The following ARMC9 variants were observed in gnomAD, a reference collection of about 807,000 sequenced individuals.
ARMC9 encodes the protein lisH domain-containing protein ARMC9.
A neutral mutation model predicts 107.0 loss-of-function variants in ARMC9; 94 were observed. The ratio of observed to expected loss-of-function variants is 0.88; its 90% CI spans 0.74 to 1.04. The LOEUF is 1.04. Ranked by LOEUF, ARMC9 falls within the 50% of genes least tolerant of loss-of-function variation. The pLI, the probability that ARMC9 is intolerant of heterozygous loss-of-function variation, is 0.00. For synonymous variants in ARMC9, 380 were observed against 396.9 expected, an observed-to-expected ratio of 0.96 and a Z score of 0.51; for missense variants, 942 against 1,030.1, an observed-to-expected ratio of 0.91 and a Z score of 1.17.
At chr2:231,257,362 G>A (rs2037927407) in intron 10 of ARMC9, among the ~76,000 whole-genome samples, 1 of 152,174 alleles carries the variant, frequency 6.6e-6, no homozygotes, top group African/African-American at 2.4e-5. Context: ...AGTGTCTGAT[G>A]CTGTGGTGGC....
At chr2:231,251,252 C>T (rs1041259839) in intron 9 of ARMC9, among the ~76,000 whole-genome samples, 5 of 151,940 alleles carry the variant, frequency 3.3e-5, no homozygotes, top group Non-Finnish European at 7.4e-5. Flanking sequence ...CTGCAACCTC[C>T]GCCTCCCGGA....
chr2:231,219,269 C>T (rs1343982027), intron 5 of ARMC9, among the ~76,000 whole-genome samples: 2 of 151,940 alleles, frequency 1.3e-5, no homozygotes, highest in Admixed American at 6.6e-5. Flanking sequence ...TTCATCATTC[C>T]ATCTTGTGTT....
At chr2:231,366,109 C>T (rs913312860) in intron 23 of ARMC9, among the ~76,000 whole-genome samples, 21 of 152,290 alleles carry the variant, frequency 1.4e-4, no homozygotes, top group Admixed American at 9.8e-4. Context: ...GCTTGGCAAG[C>T]GCAGAATCTG....
In ARMC9 at chr2:231,319,489, T is replaced by C. The variant is rs376592262; in HGVS notation, c.1774-12304T>C. On this transcript the variant is annotated intron_variant, in intron 19 of 24. Coordinates refer to ENST00000611582, the MANE Select transcript of ARMC9 (RefSeq NM_001352754.2). ...CACTAGTAAGGGGTTCTAACCCAGA[T>C]GTGGGCATAACAAACACCTGAGGCT... 3.3e-4 allele frequency among the ~76,000 whole-genome samples: 51 copies of C among 152,348 alleles called. 1 individual carries two copies. The East Asian group carries it at 3.5e-3, about 10-fold the overall frequency.
intron 21 of ARMC9, among the ~76,000 whole-genome samples, chr2:231,353,142 G>A (rs2045177167): frequency 7.6e-6 from 1 of 131,456 alleles, no homozygotes; most frequent in Non-Finnish European, 1.5e-5. Context: ...ACTGTTGCTT[G>A]AGATGCTATG....
chr2:231,299,541 C>T (rs1055781695), intron 19 of ARMC9, among the ~76,000 whole-genome samples: 2 of 152,008 alleles, frequency 1.3e-5, no homozygotes, highest in Non-Finnish European at 2.9e-5. Flanking sequence ...GGAGCAAAAG[C>T]GAAATGAATG....
At chr2:231,296,314 G>C (rs751275354) in intron 19 of ARMC9, 61 bp downstream of exon 19, 9 of 1,371,616 alleles carry the variant, frequency 6.6e-6, no homozygotes, top group Non-Finnish European at 9.2e-6. Flanking sequence ...TCTCTTTCCT[G>C]CCTTGACAAG....
chr2:231,240,079 A>C, intron 9 of ARMC9, 38 bp downstream of exon 9: 1 of 1,498,560 alleles, frequency 6.7e-7, no homozygotes, highest in Non-Finnish European at 9.2e-7. Context: ...CCCGTGGTCT[A>C]TCCCCCCAAA....
chr2:231,338,045 C>G (rs971045734), intron 20 of ARMC9, among the ~76,000 whole-genome samples: 1 of 152,118 alleles, frequency 6.6e-6, no homozygotes, highest in African/African-American at 2.4e-5. Flanking sequence ...AGAGCCCAGG[C>G]TCTTTTCATC....
At chr2:231,285,415 G>A (rs2040518173) in intron 17 of ARMC9, among the ~76,000 whole-genome samples, 1 of 151,594 alleles carries the variant, frequency 6.6e-6, no homozygotes, top group Non-Finnish European at 1.5e-5. Context: ...GGAGGCTGAG[G>A]TGGGTGGATC....
rs1294501105 is a variant in ARMC9 at position 231,362,568 on chromosome 2, G to A, written c.2261+1685G>A. On this transcript the variant is annotated intron_variant, in intron 23 of 24. Transcript: ENST00000611582. This position sits in a 1 kb window ranked among gnomAD's most constrained non-coding sequence, Gnocchi z 4.7. Reference sequence around the variant, plus strand: ...AGACCCCTCAGGGTCCAACCCAGAGGTGCCCTCCCCTTGGTGTCAGTCACT... The same window carrying A: ...AGACCCCTCAGGGTCCAACCCAGAGATGCCCTCCCCTTGGTGTCAGTCACT... 1 of 151,846 alleles carries A rather than the reference G, an allele frequency of 6.6e-6. No homozygotes were observed. The highest frequency in any genetic ancestry group is 1.5e-5 in the Non-Finnish European group (1 of 67,970). The allele number at this position is 151,846 out of a possible 1,614,324, so 9.4% of individuals were successfully genotyped here.
At chr2:231,326,773 A>C (rs2043347924) in intron 19 of ARMC9, among the ~76,000 whole-genome samples, 1 of 152,236 alleles carries the variant, frequency 6.6e-6, no homozygotes, top group Non-Finnish European at 1.5e-5. Flanking sequence ...AACTCACCAA[A>C]GACCAGAACA....
At chr2:231,334,406 A>C (rs1037775421) in intron 20 of ARMC9, among the ~76,000 whole-genome samples, 1 of 152,214 alleles carries the variant, frequency 6.6e-6, no homozygotes, top group Non-Finnish European at 1.5e-5. Flanking sequence ...TGGCTGCAAC[A>C]TGCCAATCCC....
At chr2:231,307,677 A>C (rs964794558) in intron 19 of ARMC9, among the ~76,000 whole-genome samples, 1 of 151,856 alleles carries the variant, frequency 6.6e-6, no homozygotes, top group South Asian at 2.1e-4. Context: ...ATGGCCCCAA[A>C]CCCCCCTTCT....
intron 23 of ARMC9, among the ~76,000 whole-genome samples, chr2:231,364,554 T>C (rs2045730717): frequency 6.6e-6 from 1 of 152,122 alleles, no homozygotes; most frequent in South Asian, 2.1e-4. Context: ...CCCAGCACTT[T>C]GGGAGGCCGA....
chr2:231,325,716 G>A lies in ARMC9; in HGVS notation c.1774-6077G>A, dbSNP rs147821765. The stretch of plus-strand genomic sequence containing the variant: ...TGATCACTGAGATGTTGTTATTTTG[G>A]TGAAGTACTCTAAGCCAAGGCAACA... On this transcript the variant is annotated intron_variant, in intron 19 of 24. Transcript: ENST00000611582. 1.4e-3 allele frequency among the ~76,000 whole-genome samples: 213 copies of A among 152,276 alleles called. 2 individuals are homozygous for A. The East Asian group carries it at 0.029, about 21-fold the overall frequency.
chr2:231,288,348 C>T (rs543402417), intron 17 of ARMC9, among the ~76,000 whole-genome samples: 1 of 151,970 alleles, frequency 6.6e-6, no homozygotes, highest in African/African-American at 2.4e-5. Context: ...GGTGGGGGGC[C>T]TGTGAGTAAT....
rs968481647 is a variant in ARMC9, at chr2:231,376,080, A to G, written c.*4545A>G. ...CCAGTCAATACCCTTGTGATTTCCT[A>G]TGCCTGTCTTTACTTTAATCTCTTA... On this transcript the variant is annotated 3_prime_UTR_variant, in exon 25 of 25. Transcript: ENST00000611582. Among the ~76,000 whole-genome samples the G allele has an allele frequency of 4.6e-5, 7 of 152,166 alleles. No homozygotes were observed. Among genetic ancestry groups the G allele is most frequent in the South Asian group, 4.1e-4 (2 of 4,826 alleles).
chr2:231,287,686 T>C (rs2040701411), intron 17 of ARMC9, among the ~76,000 whole-genome samples: 1 of 152,170 alleles, frequency 6.6e-6, no homozygotes, highest in African/African-American at 2.4e-5. Flanking sequence ...CATGCAATCA[T>C]GTCATGTAAT....
Sources: allele counts gnomAD v4.1 joint callset (sites outside exome capture counted in the v4.1 genomes callset), GRCh38; gene constraint gnomAD v4.1.1; non-coding constraint Gnocchi (gnomAD v3.1); transcripts MANE v1.5; gene names NCBI Gene and HGNC (gene_info 2026-07-23, HGNC 2026-07-21).